The following TMEM266 variants were observed in gnomAD, a reference collection of about 807,000 sequenced individuals.
TMEM266 encodes the protein Hv1 related protein 1.
A neutral mutation model predicts 50.5 loss-of-function variants in TMEM266; 33 were observed. The observed-to-expected ratio is 0.65, with a 90% CI of 0.50 to 0.87. The LOEUF (loss-of-function observed/expected upper bound fraction) is 0.87. Among genes scored for constraint, TMEM266 ranks in the 40% least tolerant of loss-of-function variants. The pLI, the probability that TMEM266 is intolerant of heterozygous loss-of-function variation, is 0.00. For synonymous variants in TMEM266, 310 were observed against 292.3 expected (o/e 1.06, Z -0.62); for missense variants, 655 against 695.1 (o/e 0.94, Z 0.65).
At chr15:76,180,258 C>G (rs1006514406) in intron 8 of TMEM266, among the ~76,000 whole-genome samples, 1 of 152,140 alleles carries the variant, frequency 6.6e-6, no homozygotes, top group Non-Finnish European at 1.5e-5. Context: ...GTTATGTCCT[C>G]TGTTTGCTCC....
chr15:76,192,756 C>A (rs574821691), intron 9 of TMEM266, among the ~76,000 whole-genome samples: 1 of 152,330 alleles, frequency 6.6e-6, no homozygotes, highest in African/African-American at 2.4e-5. Flanking sequence ...ATTCAAATCC[C>A]AACTCTTCTG....
In TMEM266 at chr15:76,169,837, C is replaced by T; in HGVS notation, c.478C>T (p.Leu160Phe). The T allele has an allele frequency of 6.2e-7, 1 of 1,613,970 alleles. No individual in the cohort carries two copies. Among genetic ancestry groups the T allele is most frequent in the Non-Finnish European group, 8.5e-7 (1 of 1,179,924 alleles). The change falls in exon 6 of 11, where the codon CTT becomes TTT. Residue 160 changes from leucine to phenylalanine, a missense_variant. This residue lies in a region of TMEM266 where 101 missense variants were observed against 182.6 expected (regional missense o/e 0.55). Coordinates refer to ENST00000388942, the MANE Select transcript of TMEM266 (RefSeq NM_152335.3). The stretch of plus-strand genomic sequence containing the variant: ...TCAGACTGTTCTACGGATTGTGGTG[C>T]TTGGGATCTGGGATTACATCGAAAA...
rs191520541 is a variant in TMEM266, at chr15:76,204,401, G to C, written c.*86G>C. Reference sequence around the variant, plus strand: ...CTGGAGGCTGCCAAGGGCCACACGCGGGGCCCAGGAGCCCACCTGGCCTCC... The same window carrying C: ...CTGGAGGCTGCCAAGGGCCACACGCCGGGCCCAGGAGCCCACCTGGCCTCC... On this transcript the variant is annotated 3_prime_UTR_variant, in exon 11 of 11. Transcript: ENST00000388942. The C allele has an allele frequency of 1.2e-4, 160 of 1,358,146 alleles. No individual in the cohort carries two copies. Among genetic ancestry groups the C allele is most frequent in the Non-Finnish European group, 1.5e-4 (151 of 997,664 alleles). The allele number at this position is 1,358,146 out of a possible 1,614,324, so 84.1% of individuals were successfully genotyped here.
chr15:76,078,595 A>G (rs2036639081), intron 1 of TMEM266, among the ~76,000 whole-genome samples: 1 of 152,148 alleles, frequency 6.6e-6, no homozygotes. Context: ...TCTCTGTGCT[A>G]CCTCAAGGGA....
intron 1 of TMEM266, among the ~76,000 whole-genome samples, chr15:76,127,985 C>G (rs2037450614): frequency 1.3e-5 from 2 of 152,206 alleles, no homozygotes; most frequent in South Asian, 4.2e-4. Context: ...GGTGATTATT[C>G]TGGTACATGA....
At chr15:76,142,730 CA>C (rs1481022579) in intron 3 of TMEM266, among the ~76,000 whole-genome samples, 1 of 152,164 alleles carries the variant, frequency 6.6e-6, no homozygotes, top group Non-Finnish European at 1.5e-5. Context: ...CCATCTTGGC[CA>C]AGCTCCTTGA....
At chr15:76,073,838 A>G (rs746830436) in intron 1 of TMEM266, among the ~76,000 whole-genome samples, 1 of 152,200 alleles carries the variant, frequency 6.6e-6, no homozygotes, top group Non-Finnish European at 1.5e-5. Context: ...CAGACAGTTA[A>G]CATCTGCATT....
At chr15:76,177,422 A>G (rs762098813) in intron 8 of TMEM266, among the ~76,000 whole-genome samples, 109 of 152,334 alleles carry the variant, frequency 7.2e-4, no homozygotes, top group Non-Finnish European at 1.4e-3. Flanking sequence ...GGTGGGGGAC[A>G]CGTCTGTGGA....
intron 9 of TMEM266, among the ~76,000 whole-genome samples, chr15:76,198,844 T>C (rs1027087746): frequency 5.7e-5 from 5 of 87,354 alleles, no homozygotes; most frequent in Non-Finnish European, 1.1e-4. Context: ...CTCAGCACCA[T>C]TAGAGAAGTC....
At chr15:76,169,971 G>GAA in intron 6 of TMEM266, 99 bp downstream of exon 6, 1 of 1,347,250 alleles carries the variant, frequency 7.4e-7, no homozygotes. Flanking sequence ...CATCAAGAAG[G>GAA]CTGGTTCCTT....
intron 1 of TMEM266, among the ~76,000 whole-genome samples, chr15:76,133,435 T>TA (rs36008738): frequency 0.21 from 32,420 of 151,614 alleles, 4,756 homozygotes; most frequent in African/African-American, 0.41. Context: ...AAACTCCATC[T>TA]AAAAAAAATA....
chr15:76,125,528 A>G (rs2037407928), intron 1 of TMEM266, among the ~76,000 whole-genome samples: 2 of 151,908 alleles, frequency 1.3e-5, no homozygotes, highest in Non-Finnish European at 2.9e-5. Flanking sequence ...ATATATAAGG[A>G]ACCTATACAA....
At chr15:76,145,863 G>A (rs1315618472) in intron 3 of TMEM266, among the ~76,000 whole-genome samples, 2 of 152,208 alleles carry the variant, frequency 1.3e-5, no homozygotes. Flanking sequence ...CTGGGGCTTT[G>A]TGTTTGCACA....
rs929767125 is a variant in TMEM266, at chr15:76,100,228, G to A, written c.-96-33940G>A. On this transcript the variant is annotated intron_variant, in intron 1 of 10. Coordinates refer to ENST00000388942, the MANE Select transcript of TMEM266 (RefSeq NM_152335.3). ...CCCAAGGTGGTTTCCTCTGCAGGTC[G>A]GACTAGAGATGGGAGACTGGGAGGA... 3.3e-5 allele frequency among the ~76,000 whole-genome samples: 5 copies of A among 152,252 alleles called. 1 individual carries two copies. The South Asian group carries it at 6.2e-4, about 19-fold the overall frequency.
chr15:76,179,267 T>G (rs767532452), intron 8 of TMEM266, among the ~76,000 whole-genome samples: 1 of 151,942 alleles, frequency 6.6e-6, no homozygotes, highest in Non-Finnish European at 1.5e-5. Flanking sequence ...GAAAAATGGG[T>G]GTAGTAATAG....
Position 76,139,753 on chromosome 15 carries a change from T to A in TMEM266, c.227+1858T>A, listed in dbSNP as rs1403143296. Among the ~76,000 whole-genome samples, 1 of 152,196 alleles carries A rather than the reference T, an allele frequency of 6.6e-6. No homozygotes were observed. Among genetic ancestry groups the A allele is most frequent in the African/African-American group, 2.4e-5 (1 of 41,426 alleles). Reference sequence around the variant, plus strand: ...TTTCCTGCCCCCGGCCTGAGCCTGTTAGGCCCTTTTCACGTGAAGAGTAGC... The same window carrying A: ...TTTCCTGCCCCCGGCCTGAGCCTGTAAGGCCCTTTTCACGTGAAGAGTAGC... On this transcript the variant is annotated intron_variant, in intron 3 of 10. Transcript: ENST00000388942. This position sits in a 1 kb window ranked among gnomAD's most constrained non-coding sequence, Gnocchi z 4.1.
At chr15:76,147,104 G>C (rs1279620279) in intron 3 of TMEM266, among the ~76,000 whole-genome samples, 2 of 152,220 alleles carry the variant, frequency 1.3e-5, no homozygotes, top group Non-Finnish European at 2.9e-5. Flanking sequence ...GTTGGGAGCT[G>C]GTCCCTAGAT....
Position 76,168,040 on chromosome 15 carries a change from AC to A in TMEM266, c.457-1774del, listed in dbSNP as rs1304985283. Among the ~76,000 whole-genome samples, 2 of 152,104 alleles carry A rather than the reference AC, an allele frequency of 1.3e-5. No individual in the cohort carries two copies. Among genetic ancestry groups the A allele is most frequent in the East Asian group, 3.9e-4 (2 of 5,182 alleles). ...TAGGAAGGATTATAACATGTAACCC[AC>A]CTCTCTGGCAGAAGGAGAAACTGAG... On this transcript the variant is annotated intron_variant, in intron 5 of 10. Coordinates refer to ENST00000388942, the MANE Select transcript of TMEM266 (RefSeq NM_152335.3). This position sits in a 1 kb window ranked among gnomAD's most constrained non-coding sequence, Gnocchi z 4.4.
chr15:76,112,733 A>T (rs1052438252), intron 1 of TMEM266: 2 of 152,150 alleles, frequency 1.3e-5, no homozygotes, highest in African/African-American at 4.8e-5. Context: ...AAAGCCACTG[A>T]ACTAAATTTG....
Sources: allele counts gnomAD v4.1 joint callset (sites outside exome capture counted in the v4.1 genomes callset), GRCh38; gene constraint gnomAD v4.1.1; regional missense constraint gnomAD v4.1.1; non-coding constraint Gnocchi (gnomAD v3.1); transcripts MANE v1.5; gene names NCBI Gene and HGNC (gene_info 2026-07-23, HGNC 2026-07-21).